EEFSEC: variants seen among roughly 807,000 people sequenced by gnomAD.
The protein encoded by EEFSEC is selenocysteine-specific elongation factor.
EEFSEC carries 43 observed loss-of-function variants against 42.1 expected under a neutral mutation model. The observed-to-expected ratio is 1.02, with a 90% CI of 0.80 to 1.32. EEFSEC has a LOEUF of 1.32. Among genes scored for constraint, EEFSEC ranks in the 40% most tolerant of loss-of-function variants. EEFSEC has a pLI of 0.00. For synonymous variants in EEFSEC, 354 were observed against 339.1 expected (o/e 1.04, Z -0.48); for missense variants, 745 against 803.6 (o/e 0.93, Z 0.88).
chr3:128,339,471 A>G (rs1372965739), intron 4 of EEFSEC, among the ~76,000 whole-genome samples: 4 of 152,240 alleles, frequency 2.6e-5, no homozygotes, highest in African/African-American at 7.2e-5. Flanking sequence ...ATCCATGAAC[A>G]GTTTCCTCTC....
intron 6 of EEFSEC, among the ~76,000 whole-genome samples, chr3:128,387,731 T>C (rs544185218): frequency 1.3e-5 from 2 of 151,292 alleles, no homozygotes; most frequent in Non-Finnish European, 2.9e-5. Flanking sequence ...CCCTACAGGC[T>C]CCACTGGGGC....
chr3:128,274,120 C>A (rs2066442457), intron 4 of EEFSEC, among the ~76,000 whole-genome samples: 1 of 152,194 alleles, frequency 6.6e-6, no homozygotes, highest in Non-Finnish European at 1.5e-5. Flanking sequence ...AGTGCAGCCA[C>A]CACTCAAGCA....
chr3:128,393,952 C>T (rs371768119), intron 6 of EEFSEC, among the ~76,000 whole-genome samples: 1 of 141,084 alleles, frequency 7.1e-6, no homozygotes. Flanking sequence ...GTGGGTGACA[C>T]GTGTGCAGCA....
intron 6 of EEFSEC, among the ~76,000 whole-genome samples, chr3:128,376,887 C>A (rs943492581): frequency 6.6e-6 from 1 of 152,116 alleles, no homozygotes; most frequent in Non-Finnish European, 1.5e-5. Flanking sequence ...TTTGGGGAAC[C>A]CTCACACTGT....
chr3:128,321,950 A>C (rs2067012406), intron 4 of EEFSEC, among the ~76,000 whole-genome samples: 1 of 152,194 alleles, frequency 6.6e-6, no homozygotes, highest in Non-Finnish European at 1.5e-5. Flanking sequence ...CCAGATTGGC[A>C]GTGAGGGGAG....
chr3:128,424,599 G>T, the EEFSEC span, among the ~76,000 whole-genome samples: 2 of 152,012 alleles, frequency 1.3e-5, no homozygotes, highest in African/African-American at 4.8e-5. Flanking sequence ...TCCCCAGGCT[G>T]CTTGTGAACT....
Position 128,341,783 on chromosome 3 carries a change from T to A in EEFSEC, c.1337T>A (p.Phe446Tyr). 6.2e-7 allele frequency: 1 copy of A among 1,614,110 alleles called. No individual in the cohort carries two copies. Among genetic ancestry groups the A allele is most frequent in the Middle Eastern group, 1.6e-4 (1 of 6,062 alleles). The change falls in exon 5 of 7, where the codon TTC becomes TAC. Residue 446 changes from phenylalanine (F) to tyrosine (Y), a missense_variant. Coordinates refer to ENST00000254730, the MANE Select transcript of EEFSEC (RefSeq NM_021937.5). ...DIHTNTCRLA[F>Y]HGILLHGLED... ...CACACCAACACGTGCCGGCTAGCCT[T>A]CCATGGCATCCTGCTCCACGGGCTA...
At chr3:128,372,839 C>T (rs1309651459) in intron 6 of EEFSEC, among the ~76,000 whole-genome samples, 1 of 152,204 alleles carries the variant, frequency 6.6e-6, no homozygotes, top group Non-Finnish European at 1.5e-5. Flanking sequence ...GGGTGCTGGG[C>T]CCCTGACTAT....
chr3:128,348,820 C>T (rs1336107417), intron 5 of EEFSEC, among the ~76,000 whole-genome samples: 1 of 152,166 alleles, frequency 6.6e-6, no homozygotes, highest in African/African-American at 2.4e-5. Flanking sequence ...TGCATCTCAG[C>T]CACATGCAGA....
intron 4 of EEFSEC, among the ~76,000 whole-genome samples, chr3:128,283,711 C>T (rs1216607582): frequency 6.6e-6 from 1 of 152,162 alleles, no homozygotes; most frequent in African/African-American, 2.4e-5. Flanking sequence ...GCTCATAGAG[C>T]AGTCCACACC....
At chr3:128,298,975 G>A (rs550813062) in intron 4 of EEFSEC, among the ~76,000 whole-genome samples, 36 of 152,118 alleles carry the variant, frequency 2.4e-4, no homozygotes, top group Non-Finnish European at 4.6e-4. Context: ...TCTCTCAGTG[G>A]GTACTTAGGT....
chr3:128,377,197 T>C (rs1012866934), intron 6 of EEFSEC, among the ~76,000 whole-genome samples: 2 of 152,228 alleles, frequency 1.3e-5, no homozygotes, highest in African/African-American at 2.4e-5. Flanking sequence ...TTTATGTAAT[T>C]GAGATATGGT....
chr3:128,370,942 C>A (rs973321641), intron 6 of EEFSEC, among the ~76,000 whole-genome samples: 1 of 152,242 alleles, frequency 6.6e-6, no homozygotes, highest in South Asian at 2.1e-4. Context: ...GTGTTCAGGA[C>A]AGAAGGAACA....
the EEFSEC span, among the ~76,000 whole-genome samples, chr3:128,422,335 A>C: frequency 1.3e-5 from 2 of 152,210 alleles, no homozygotes; most frequent in South Asian, 2.1e-4. Context: ...TTCTCTGAAG[A>C]GCCCCACTGC....
chr3:128,276,759 C>T (rs913520352), intron 4 of EEFSEC, among the ~76,000 whole-genome samples: 2 of 151,976 alleles, frequency 1.3e-5, no homozygotes, highest in African/African-American at 4.8e-5. Flanking sequence ...TACAGTGAGG[C>T]GATTGAGAAT....
At chr3:128,420,209 C>T in the EEFSEC span, among the ~76,000 whole-genome samples, 66 of 152,346 alleles carry the variant, frequency 4.3e-4, no homozygotes, top group Non-Finnish European at 7.9e-4. Flanking sequence ...CGCGTGGCTC[C>T]GCCTGCTTGG....
chr3:128,291,192 T>C lies in EEFSEC; in HGVS notation c.786+26411T>C, dbSNP rs367967811. 1.6e-3 allele frequency among the ~76,000 whole-genome samples: 250 copies of C among 152,316 alleles called. 10 individuals are homozygous for C. In the South Asian group the frequency reaches 0.052, roughly 31 times the overall value. On this transcript the variant is annotated intron_variant, in intron 4 of 6. Transcript: ENST00000254730. Reference sequence around the variant, plus strand: ...TTTTATTATTTGACACTGTTGAAAATATTTTTTATTTTCCAATTATTTACT... The same window carrying C: ...TTTTATTATTTGACACTGTTGAAAACATTTTTTATTTTCCAATTATTTACT...
In EEFSEC at chr3:128,248,135, C is replaced by T. The variant is rs564228694; in HGVS notation, c.524+1092C>T. ...TGTTGAGCACAGTGTTGACAGACCT[C>T]ATTGTTTTATCAATTTCTCTCTTCC... On this transcript the variant is annotated intron_variant, in intron 2 of 6. Coordinates refer to ENST00000254730, the MANE Select transcript of EEFSEC (RefSeq NM_021937.5). Among the ~76,000 whole-genome samples the T allele has an allele frequency of 3.2e-4, 48 of 152,322 alleles. 2 individuals are homozygous for T. The South Asian group carries it at 9.7e-3, about 31-fold the overall frequency.
At chr3:128,168,098 C>T (rs2065259958) in intron 1 of EEFSEC, among the ~76,000 whole-genome samples, 1 of 152,172 alleles carries the variant, frequency 6.6e-6, no homozygotes, top group Admixed American at 6.5e-5. Flanking sequence ...TTAATTCAGA[C>T]CTGACTCTGA....
Sources: gnomAD v4.1 joint callset for allele counts (sites outside exome capture counted in the v4.1 genomes callset) on GRCh38, gnomAD v4.1.1 for gene constraint, MANE v1.5 for transcripts, NCBI Gene and HGNC (gene_info 2026-07-23, HGNC 2026-07-21) for gene names.